RORB: variants seen among roughly 807,000 people sequenced by gnomAD.
The protein encoded by RORB is nuclear receptor ROR-beta.
RORB carries 6 observed loss-of-function variants against 59.1 expected under a neutral mutation model. The observed-to-expected ratio is 0.10, with a 90% confidence interval of 0.06 to 0.20. The LOEUF is 0.20. Among genes scored for constraint, RORB ranks in the 10% least tolerant of loss-of-function variants. The pLI, the probability that RORB is intolerant of heterozygous loss-of-function variation, is 1.00. For synonymous variants in RORB, 215 were observed against 204.5 expected, an observed-to-expected ratio of 1.05 and a Z score of -0.44; for missense variants, 320 against 560.5, an observed-to-expected ratio of 0.57 and a Z score of 4.33.
At chr9:74,581,532 A>C (rs1822722840) in intron 1 of RORB, among the ~76,000 whole-genome samples, 1 of 152,186 alleles carries the variant, frequency 6.6e-6, no homozygotes, top group East Asian at 1.9e-4. Context: ...ACCTCACCAC[A>C]CTTTTGGAAG....
chr9:74,660,543 T>G, intron 4 of RORB, 74 bp from the exon 5 acceptor site: 3 of 1,402,744 alleles, frequency 2.1e-6, no homozygotes, highest in Non-Finnish European at 2.9e-6. Context: ...GGCATTCTTA[T>G]AGTAAACACA....
chr9:74,617,243 C>T (rs1193866312), intron 1 of RORB, among the ~76,000 whole-genome samples: 1 of 152,110 alleles, frequency 6.6e-6, no homozygotes, highest in Non-Finnish European at 1.5e-5. Flanking sequence ...ATGGAACAAC[C>T]GTAAGTATCT....
chr9:74,676,486 C>T (rs1013590127), intron 9 of RORB, among the ~76,000 whole-genome samples: 1 of 152,222 alleles, frequency 6.6e-6, no homozygotes, highest in Non-Finnish European at 1.5e-5. Context: ...TATTTTCTCA[C>T]AACTAACACT....
chr9:74,586,230 G>C (rs193187406), intron 1 of RORB, among the ~76,000 whole-genome samples: 1 of 152,096 alleles, frequency 6.6e-6, no homozygotes, highest in African/African-American at 2.4e-5. Flanking sequence ...AGGTGCAGTC[G>C]CTCATGCCTG....
At chr9:74,640,754 C>T (rs867928863) in intron 3 of RORB, among the ~76,000 whole-genome samples, 1 of 152,208 alleles carries the variant, frequency 6.6e-6, no homozygotes, top group Non-Finnish European at 1.5e-5. Context: ...ACTTAATCAC[C>T]TGCACATACC....
intron 1 of RORB, among the ~76,000 whole-genome samples, chr9:74,585,521 C>T (rs1822784728): frequency 6.6e-6 from 1 of 152,152 alleles, no homozygotes; most frequent in Non-Finnish European, 1.5e-5. Context: ...TTTTGGTAAT[C>T]TTGGTAAAGT....
chr9:74,658,737 T>C (rs1041991388), intron 4 of RORB, among the ~76,000 whole-genome samples: 2 of 152,166 alleles, frequency 1.3e-5, no homozygotes, highest in South Asian at 2.1e-4. Context: ...CCCGGTGAAA[T>C]TGAAAAATGA....
At chr9:74,545,676 G>A (rs1563933367) in intron 1 of RORB, among the ~76,000 whole-genome samples, 1 of 152,208 alleles carries the variant, frequency 6.6e-6, no homozygotes, top group African/African-American at 2.4e-5. Context: ...TTTCTCAGGA[G>A]AGAAAGAAGT....
chr9:74,680,314 T>A (rs1199554945), intron 9 of RORB, among the ~76,000 whole-genome samples: 1 of 152,226 alleles, frequency 6.6e-6, no homozygotes, highest in East Asian at 1.9e-4. Flanking sequence ...CTTATGTCCC[T>A]GTAGGTATCT....
At position 74,634,612 on chromosome 9, in the gene RORB, C is replaced by T; in HGVS notation, c.94-19C>T. 1 of 1,589,818 alleles carries T rather than the reference C, an allele frequency of 6.3e-7. No individual in the cohort carries two copies. Among genetic ancestry groups the T allele is most frequent in the East Asian group, 2.3e-5 (1 of 44,300 alleles). ...CTTCTTATAAATCTGTTTCCCTCCCCTTCTCTTTTTCCCTCAAGGGATTCT... is the reference window on the plus strand; with the variant it reads ...CTTCTTATAAATCTGTTTCCCTCCCTTTCTCTTTTTCCCTCAAGGGATTCT... On this transcript the variant is annotated intron_variant, in intron 2 of 9. Transcript: ENST00000376896.
At chr9:74,558,570 A>T (rs1822344411) in intron 1 of RORB, among the ~76,000 whole-genome samples, 1 of 152,204 alleles carries the variant, frequency 6.6e-6, no homozygotes, top group Non-Finnish European at 1.5e-5. Flanking sequence ...ACACCCTTGC[A>T]TGGGTTGAGT....
At chr9:74,683,202 G>A (rs1017323013) in intron 9 of RORB, among the ~76,000 whole-genome samples, 17 of 152,156 alleles carry the variant, frequency 1.1e-4, no homozygotes, top group Non-Finnish European at 2.1e-4. Context: ...TGTAGAAAGC[G>A]TTCAAAGCCA....
rs935387674 is a variant in RORB at position 74,690,935 on chromosome 9, A to G, written c.*5317A>G. ...CATGACTTTTATTCTTTTGGGTCTC[A>G]GTGTGTTTCTTGAACTGTGTGACTT... On this transcript the variant is annotated 3_prime_UTR_variant, in exon 10 of 10. Coordinates refer to ENST00000376896, the MANE Select transcript of RORB (RefSeq NM_006914.4). 3.9e-5 allele frequency: 6 copies of G among 152,254 alleles called. No homozygotes were observed. Among genetic ancestry groups the G allele is most frequent in the South Asian group, 2.1e-4 (1 of 4,824 alleles). The allele number at this position is 152,254 out of a possible 1,614,324, so 9.4% of individuals were successfully genotyped here. A position where few individuals can be genotyped will look rare whatever the true frequency, so the allele number is the denominator to read the frequency against.
At chr9:74,545,958 A>G (rs1421068784) in intron 1 of RORB, among the ~76,000 whole-genome samples, 1 of 152,234 alleles carries the variant, frequency 6.6e-6, no homozygotes, top group African/African-American at 2.4e-5. Context: ...GTAAAAATAA[A>G]AGGAATCTAA....
rs567273631 is a variant in RORB, at chr9:74,692,384, T to G, written c.*6766T>G. Reference sequence around the variant, plus strand: ...CCAATATTTTTGAAATCCCTAACAATGCTTCCTTGCTTTTAGGATTGAGAG... The same window carrying G: ...CCAATATTTTTGAAATCCCTAACAAGGCTTCCTTGCTTTTAGGATTGAGAG... On this transcript the variant is annotated 3_prime_UTR_variant, in exon 10 of 10. Coordinates refer to ENST00000376896, the MANE Select transcript of RORB (RefSeq NM_006914.4). The G allele has an allele frequency of 6.6e-6, 1 of 152,362 alleles. No homozygotes were observed. Among genetic ancestry groups the G allele is most frequent in the Non-Finnish European group, 1.5e-5 (1 of 68,032 alleles). The allele number at this position is 152,362 out of a possible 1,614,324, so 9.4% of individuals were successfully genotyped here.
At chr9:74,567,089 G>A (rs939025275) in intron 1 of RORB, among the ~76,000 whole-genome samples, 2 of 151,532 alleles carry the variant, frequency 1.3e-5, no homozygotes, top group African/African-American at 4.9e-5. Context: ...GTGCAACGGC[G>A]TGATCTCGGC....
At chr9:74,584,039 G>A (rs1038410612) in intron 1 of RORB, among the ~76,000 whole-genome samples, 1 of 152,190 alleles carries the variant, frequency 6.6e-6, no homozygotes, top group Non-Finnish European at 1.5e-5. Context: ...TGTGCTATCT[G>A]TCTGTGTGCC....
intron 1 of RORB, among the ~76,000 whole-genome samples, chr9:74,539,199 A>C (rs1826367178): frequency 6.6e-6 from 1 of 152,206 alleles, no homozygotes; most frequent in Non-Finnish European, 1.5e-5. Context: ...TTATGGAAGT[A>C]AGCAATCAAT....
chr9:74,656,378 T>C (rs939605736), intron 4 of RORB, among the ~76,000 whole-genome samples: 2 of 152,220 alleles, frequency 1.3e-5, no homozygotes, highest in African/African-American at 4.8e-5. Context: ...CACAACAGCC[T>C]GATTAATTTC....
Sources: gnomAD v4.1 joint callset for allele counts (sites outside exome capture counted in the v4.1 genomes callset) on GRCh38, gnomAD v4.1.1 for gene constraint, MANE v1.5 for transcripts, NCBI Gene and HGNC (gene_info 2026-07-23, HGNC 2026-07-21) for gene names.